NUP37: variants seen among roughly 807,000 people sequenced by gnomAD.
The protein encoded by NUP37 is nucleoporin 37.
Under a neutral mutation model 45.4 loss-of-function variants are expected in NUP37, and 33 were observed. That is an observed-to-expected ratio of 0.73 (90% CI 0.55 to 0.97). The LOEUF is 0.97. Ranked by LOEUF, NUP37 falls within the 50% of genes least tolerant of loss-of-function variation. The probability of loss-of-function intolerance (pLI) is 0.00; values close to 1 mark genes in which losing one functional copy is unlikely to be tolerated. For synonymous variants in NUP37, 127 were observed against 130.7 expected (o/e 0.97, Z 0.19); for missense variants, 365 against 389.7 (o/e 0.94, Z 0.53).
At chr12:102,088,593 T>C (rs1879537292) in intron 5 of NUP37, among the ~76,000 whole-genome samples, 1 of 152,198 alleles carries the variant, frequency 6.6e-6, no homozygotes, top group South Asian at 2.1e-4. Context: ...ATGTCCATTT[T>C]CATATGTTAC....
intron 9 of NUP37, 27 bp downstream of exon 9, chr12:102,074,974 G>GT (rs1343871266): frequency 1.5e-6 from 2 of 1,320,208 alleles, no homozygotes; most frequent in Non-Finnish European, 2.1e-6. Context: ...AAAAAAGCAC[G>GT]TATGTTACAA....
chr12:102,119,852 G>A (rs1206246074), intron 1 of NUP37, among the ~76,000 whole-genome samples, 198 bp downstream of exon 1: 1 of 152,190 alleles, frequency 6.6e-6, no homozygotes, highest in Non-Finnish European at 1.5e-5. Context: ...TACAACGGCA[G>A]AGAAGAAGGG....
intron 2 of NUP37, among the ~76,000 whole-genome samples, chr12:102,112,796 T>G (rs1463957770): frequency 6.6e-6 from 1 of 152,202 alleles, no homozygotes; most frequent in Non-Finnish European, 1.5e-5. Flanking sequence ...GACCTCAAAG[T>G]CTTTATAATC....
intron 5 of NUP37, among the ~76,000 whole-genome samples, chr12:102,093,072 A>G (rs886630722): frequency 1.3e-5 from 2 of 152,124 alleles, no homozygotes; most frequent in Middle Eastern, 3.2e-3. Context: ...CAAAAATGAG[A>G]TAATTGTACA....
At position 102,118,530 on chromosome 12, in the gene NUP37, A is replaced by C. The variant is rs1239875803; in HGVS notation, c.-12T>G. 1 of 1,603,918 alleles carries C rather than the reference A, an allele frequency of 6.2e-7. No individual in the cohort carries two copies. Among genetic ancestry groups the C allele is most frequent in the Non-Finnish European group, 8.5e-7 (1 of 1,176,776 alleles). On this transcript the variant is annotated 5_prime_UTR_variant, in exon 2 of 10. Transcript: ENST00000552283. ...GCATCTTGCTTCATCTTGTATGTCAAAATTCAAGCAGTTGTGAAAATTAAA... is the reference window on the plus strand; with the variant it reads ...GCATCTTGCTTCATCTTGTATGTCACAATTCAAGCAGTTGTGAAAATTAAA...
chr12:102,113,218 G>C (rs530503288), intron 2 of NUP37, among the ~76,000 whole-genome samples: 10 of 152,324 alleles, frequency 6.6e-5, no homozygotes, highest in African/African-American at 2.2e-4. Context: ...GTTTGCAAGA[G>C]AGAAGAGACA....
At chr12:102,113,968 A>G (rs1880388707) in intron 2 of NUP37, among the ~76,000 whole-genome samples, 1 of 152,242 alleles carries the variant, frequency 6.6e-6, no homozygotes, top group Admixed American at 6.5e-5. Context: ...AAATAACTTC[A>G]AATTTCAGGT....
chr12:102,089,647 G>A (rs1239435336), intron 5 of NUP37, among the ~76,000 whole-genome samples: 5 of 141,472 alleles, frequency 3.5e-5, no homozygotes, highest in East Asian at 2.1e-4. Flanking sequence ...GACGATGAGC[G>A]GCTGGGCAGA....
intron 5 of NUP37, among the ~76,000 whole-genome samples, chr12:102,088,596 T>C (rs888124303): frequency 4.6e-5 from 7 of 152,184 alleles, no homozygotes; most frequent in African/African-American, 1.7e-4. Flanking sequence ...TCCATTTTCA[T>C]ATGTTACGTA....
At chr12:102,116,995 C>G (rs1309833201) in intron 2 of NUP37, among the ~76,000 whole-genome samples, 1 of 152,134 alleles carries the variant, frequency 6.6e-6, no homozygotes, top group Non-Finnish European at 1.5e-5. Flanking sequence ...GAGCGAGACT[C>G]CGTCTCAAAA....
intron 3 of NUP37, among the ~76,000 whole-genome samples, chr12:102,106,854 A>G (rs1880170520): frequency 6.6e-6 from 1 of 152,150 alleles, no homozygotes; most frequent in African/African-American, 2.4e-5. Flanking sequence ...AAGCCTGAAA[A>G]CTTGTATTTG....
intron 6 of NUP37, 40 bp downstream of exon 6, chr12:102,085,726 C>T: frequency 1.0e-6 from 1 of 981,076 alleles, no homozygotes; most frequent in South Asian, 1.5e-5. Flanking sequence ...CTCTATAAGT[C>T]TTTTCAATTT....
In NUP37 at chr12:102,101,035, A is replaced by C; in HGVS notation, c.351T>G (p.Tyr117Ter). ...ATTTATATGGTTGTCAACATACCTT[A>C]TATTCATTTTTATCCTGAAGATCTG... ...FTSDLQDKNE[Y>*]KVLEGHTDFI... is the part of the protein sequence containing the mutation. The change falls in exon 4 of 10, where the codon TAT becomes TAG. Residue 117 changes from tyrosine to a stop codon, truncating the protein, a stop_gained. Coordinates refer to ENST00000552283, the MANE Select transcript of NUP37 (RefSeq NM_024057.4). LOFTEE classifies it high-confidence loss of function. 6.7e-7 allele frequency: 1 copy of C among 1,493,934 alleles called. No homozygotes were observed. Among genetic ancestry groups the C allele is most frequent in the Non-Finnish European group, 9.2e-7 (1 of 1,090,690 alleles). 92.5% of individuals were successfully genotyped at this position (1,493,934 alleles called of 1,614,324 possible).
intron 8 of NUP37, among the ~76,000 whole-genome samples, chr12:102,075,987 G>A (rs1218060748): frequency 6.6e-6 from 1 of 151,904 alleles, no homozygotes; most frequent in Non-Finnish European, 1.5e-5. Context: ...CCTTGACACT[G>A]AGAATAGCAG....
chr12:102,104,709 T>C (rs957474840), intron 3 of NUP37, among the ~76,000 whole-genome samples: 5 of 152,200 alleles, frequency 3.3e-5, no homozygotes, highest in African/African-American at 9.7e-5. Flanking sequence ...GACTATCCTT[T>C]TCCCCATTGT....
At chr12:102,078,912 A>G (rs892788465) in intron 6 of NUP37, 7 of 155,926 alleles carry the variant, frequency 4.5e-5, no homozygotes, top group Non-Finnish European at 5.7e-5. Context: ...ATGTGAAAAA[A>G]TTTTTCTTAA....
chr12:102,111,807 C>T (rs986572907), intron 3 of NUP37, among the ~76,000 whole-genome samples: 12 of 152,060 alleles, frequency 7.9e-5, no homozygotes, highest in African/African-American at 2.9e-4. Flanking sequence ...GTTATACTTT[C>T]AATAAAGTTG....
intron 5 of NUP37, among the ~76,000 whole-genome samples, chr12:102,092,290 A>G (rs534083119): frequency 1.3e-5 from 2 of 152,348 alleles, no homozygotes; most frequent in Admixed American, 1.3e-4. Flanking sequence ...GGTAAAGCAA[A>G]AAATATGAAC....
At chr12:102,112,316 G>T (rs1565837232) in intron 2 of NUP37, 84 bp from the exon 3 acceptor site, 2 of 1,143,374 alleles carry the variant, frequency 1.7e-6, no homozygotes, top group Non-Finnish European at 1.2e-6. Context: ...AATTTATCAG[G>T]AGGTTATGCT....
Sources: allele counts gnomAD v4.1 joint callset (sites outside exome capture counted in the v4.1 genomes callset), GRCh38; gene constraint gnomAD v4.1.1; transcripts MANE v1.5; gene names NCBI Gene and HGNC (gene_info 2026-07-23, HGNC 2026-07-21).